The following MAGI1 variants were observed in gnomAD, a reference collection of about 807,000 sequenced individuals.
MAGI1 encodes membrane-associated guanylate kinase, WW and PDZ domain-containing protein 1.
MAGI1 carries 58 observed loss-of-function variants against 139.9 expected under a neutral mutation model. That is an observed-to-expected ratio of 0.41 (90% CI 0.34 to 0.52). The LOEUF (loss-of-function observed/expected upper bound fraction) is 0.52. Ranked by LOEUF, MAGI1 falls within the 20% of genes least tolerant of loss-of-function variation. The pLI is 0.12. For synonymous variants in MAGI1, 812 were observed against 737.9 expected (o/e 1.10, Z -1.63); for missense variants, 1,874 against 1,901.6 (o/e 0.99, Z 0.27).
rs573832920 is a variant in MAGI1 at position 65,647,199 on chromosome 3, T to C, written c.314-25111A>G. Among the ~76,000 whole-genome samples, 5 of 152,156 alleles carry C rather than the reference T, an allele frequency of 3.3e-5. No individual in the cohort carries two copies. The East Asian group carries it at 9.6e-4, about 29-fold the overall frequency. ...CAAACAAAGGATATCACTAAAGACC[T>C]TGCATACATCAAAGGATAAAGGAAT... On this transcript the variant is annotated intron_variant, in intron 1 of 22. Coordinates refer to ENST00000402939, the MANE Select transcript of MAGI1 (RefSeq NM_001033057.2).
intron 5 of MAGI1, among the ~76,000 whole-genome samples, chr3:65,462,371 A>G (rs1460479558): frequency 2.6e-5 from 4 of 152,220 alleles, no homozygotes; most frequent in Non-Finnish European, 1.5e-5. Context: ...TTTATTAAAT[A>G]GGGAATCCTT....
At chr3:65,834,599 C>G (rs1158237616) in intron 1 of MAGI1, among the ~76,000 whole-genome samples, 1 of 152,192 alleles carries the variant, frequency 6.6e-6, no homozygotes, top group Admixed American at 6.5e-5. Context: ...ATTCAGTTAG[C>G]TGATGGTGTT....
chr3:65,361,408 C>T (rs941637150), intron 21 of MAGI1, 71 bp from the exon 22 acceptor site: 80 of 1,494,696 alleles, frequency 5.4e-5, no homozygotes, highest in Middle Eastern at 4.4e-4. Flanking sequence ...TTATTAAGCA[C>T]GTGGCAGAAC....
chr3:65,369,159 A>G (rs1441558627), intron 18 of MAGI1, among the ~76,000 whole-genome samples: 1 of 152,180 alleles, frequency 6.6e-6, no homozygotes, highest in Admixed American at 6.5e-5. Context: ...CCCAAAGAGA[A>G]TCAAAGCAAT....
intron 2 of MAGI1, among the ~76,000 whole-genome samples, chr3:65,524,466 A>G (rs1027305171): frequency 6.6e-6 from 1 of 152,212 alleles, no homozygotes; most frequent in Admixed American, 6.5e-5. Flanking sequence ...TCTTATAGAA[A>G]AGTTAGACAT....
At chr3:65,945,174 G>A (rs116682185) in intron 1 of MAGI1, among the ~76,000 whole-genome samples, 20 of 152,310 alleles carry the variant, frequency 1.3e-4, no homozygotes, top group African/African-American at 4.8e-4. Context: ...TGATTTTGAA[G>A]GGCCAGGGTG....
At chr3:65,546,545 T>C (rs939305579) in intron 2 of MAGI1, among the ~76,000 whole-genome samples, 8 of 152,210 alleles carry the variant, frequency 5.3e-5, no homozygotes, top group Admixed American at 5.2e-4. Context: ...ATTTTGAAAA[T>C]GCCTCATTCA....
At chr3:65,950,078 CAAAA>C (rs751496271) in intron 1 of MAGI1, among the ~76,000 whole-genome samples, 1 of 40,340 alleles carries the variant, frequency 2.5e-5, no homozygotes, top group Non-Finnish European at 3.7e-5. Flanking sequence ...AAAAAAAAAA[CAAAA>C]AAAAAAACAA....
At chr3:65,995,567 A>G (rs1049133151) in intron 1 of MAGI1, among the ~76,000 whole-genome samples, 3 of 152,028 alleles carry the variant, frequency 2.0e-5, no homozygotes, top group Non-Finnish European at 4.4e-5. Flanking sequence ...ATCAGATCCT[A>G]AATGTATCAC....
chr3:65,787,309 A>C (rs1435862764), intron 1 of MAGI1, among the ~76,000 whole-genome samples: 1 of 152,036 alleles, frequency 6.6e-6, no homozygotes, highest in African/African-American at 2.4e-5. Context: ...AAGCCACTGG[A>C]GCATTTTCAT....
At chr3:65,401,496 A>G (rs982144339) in intron 12 of MAGI1, 26 bp from the exon 13 acceptor site, 8 of 1,607,716 alleles carry the variant, frequency 5.0e-6, no homozygotes, top group Non-Finnish European at 6.8e-6. Context: ...CAAGGAGGGG[A>G]GGGGGGAAGA....
At chr3:65,955,876 C>T (rs2064101518) in intron 1 of MAGI1, among the ~76,000 whole-genome samples, 1 of 152,040 alleles carries the variant, frequency 6.6e-6, no homozygotes, top group East Asian at 2.0e-4. Flanking sequence ...TGTTTGTTTT[C>T]GGTGGAGGAT....
chr3:65,505,440 T>A (rs1451247992), intron 2 of MAGI1, among the ~76,000 whole-genome samples: 1 of 150,182 alleles, frequency 6.7e-6, no homozygotes, highest in African/African-American at 2.4e-5. Flanking sequence ...AGCTCACGAG[T>A]TCAAGACCAG....
At chr3:65,391,077 C>T in intron 14 of MAGI1, 65 bp downstream of exon 14, 2 of 1,388,356 alleles carry the variant, frequency 1.4e-6, no homozygotes, top group Non-Finnish European at 2.0e-6. Context: ...TTTCAATAAC[C>T]TTCAAGAGAA....
Position 65,429,538 on chromosome 3 carries a change from A to G in MAGI1, c.2149T>C (p.Leu717=). The change falls in exon 12 of 23, where the codon TTG becomes CTG. Residue 717 remains leucine (L), a synonymous_variant. Transcript: ENST00000402939. ...TACTTACCTCCTCGTTGCACCAACA[A>G]TGTGACCTCACTTCCCTTAGGACAC... ...VECPKGSEVT[L]LVQRGGLPVP... 6.2e-7 allele frequency: 1 copy of G among 1,611,588 alleles called. No individual in the cohort carries two copies.
At chr3:65,725,784 G>C (rs1211164118) in intron 1 of MAGI1, among the ~76,000 whole-genome samples, 2 of 152,140 alleles carry the variant, frequency 1.3e-5, no homozygotes, top group Non-Finnish European at 2.9e-5. Flanking sequence ...CTTAGCCGAT[G>C]ATCAAAGACA....
At chr3:65,821,049 A>G (rs374889184) in intron 1 of MAGI1, among the ~76,000 whole-genome samples, 1 of 104,220 alleles carries the variant, frequency 9.6e-6, no homozygotes, top group East Asian at 5.2e-4. Context: ...TGCAAAGGAA[A>G]GGGTGGTGGT....
At chr3:65,769,344 T>TA (rs2037758721) in intron 1 of MAGI1, among the ~76,000 whole-genome samples, 1 of 152,046 alleles carries the variant, frequency 6.6e-6, no homozygotes, top group African/African-American at 2.4e-5. Flanking sequence ...ATAAGCGTAG[T>TA]AGAGCATGAT....
At chr3:65,559,548 T>C (rs925099180) in intron 2 of MAGI1, among the ~76,000 whole-genome samples, 2 of 152,244 alleles carry the variant, frequency 1.3e-5, no homozygotes, top group Non-Finnish European at 2.9e-5. Context: ...CTCTCTAATA[T>C]TCTAACATTC....
Sources: gnomAD v4.1 joint callset for allele counts (sites outside exome capture counted in the v4.1 genomes callset) on GRCh38, gnomAD v4.1.1 for gene constraint, MANE v1.5 for transcripts, NCBI Gene and HGNC (gene_info 2026-07-23, HGNC 2026-07-21) for gene names.